HS3ST3B1: variants seen among roughly 807,000 people sequenced by gnomAD.
The protein encoded by HS3ST3B1 is heparan sulfate-glucosamine 3-sulfotransferase 3B1, also known as heparan sulfate glucosamine 3-O-sulfotransferase 3B1.
In HS3ST3B1, 13 loss-of-function variants were observed where a neutral mutation model predicts 21.3. The observed-to-expected ratio is 0.61, with a 90% CI of 0.40 to 0.97. HS3ST3B1 has a LOEUF of 0.97. HS3ST3B1 is among the 50% of genes least tolerant of loss of function. The pLI, the probability that HS3ST3B1 is intolerant of heterozygous loss-of-function variation, is 0.00. For synonymous variants in HS3ST3B1, 234 were observed against 254.8 expected (o/e 0.92, Z 0.78); for missense variants, 459 against 554.8 (o/e 0.83, Z 1.73).
rs1473082613 is a variant in HS3ST3B1 at position 14,301,099 on chromosome 17, C to T, written c.-420C>T. ...TTCCTGCGCAGTTCGCCTCTGCAGC[C>T]TCTGCGGGGAAGTGCCGGGGCTGCT... On this transcript the variant is annotated 5_prime_UTR_variant, in exon 1 of 2. Transcript: ENST00000360954. The T allele has an allele frequency of 5.2e-6, 1 of 191,468 alleles. No individual in the cohort carries two copies. The highest frequency in any genetic ancestry group is 2.3e-5 in the African/African-American group (1 of 42,814). The allele number at this position is 191,468 out of a possible 1,614,324, so 11.9% of individuals were successfully genotyped here.
intron 1 of HS3ST3B1, among the ~76,000 whole-genome samples, chr17:14,343,698 T>C (rs1224340964): frequency 6.6e-6 from 1 of 152,236 alleles, no homozygotes; most frequent in East Asian, 1.9e-4. Context: ...TAATATTTCA[T>C]TGTGCATATA....
intron 1 of HS3ST3B1, among the ~76,000 whole-genome samples, chr17:14,317,266 C>A (rs1156440896): frequency 6.6e-6 from 1 of 152,214 alleles, no homozygotes; most frequent in Non-Finnish European, 1.5e-5. Context: ...CAGTGTATGA[C>A]CAGAGCATCT....
intron 1 of HS3ST3B1, among the ~76,000 whole-genome samples, chr17:14,343,886 T>C (rs112461424): frequency 3.0e-5 from 4 of 132,948 alleles, no homozygotes; most frequent in African/African-American, 1.1e-4. Flanking sequence ...CTAACCTCAC[T>C]TAATTTCTTT....
chr17:14,312,883 A>G (rs1160447067), intron 1 of HS3ST3B1, among the ~76,000 whole-genome samples: 6 of 148,336 alleles, frequency 4.0e-5, no homozygotes, highest in Non-Finnish European at 8.9e-5. Context: ...CATCCCCAGC[A>G]GTTGTGAGTG....
chr17:14,326,470 C>A (rs75045807), intron 1 of HS3ST3B1, among the ~76,000 whole-genome samples: 1 of 152,116 alleles, frequency 6.6e-6, no homozygotes, highest in South Asian at 2.1e-4. Context: ...ATTTTTCTAA[C>A]CTTATTTGCC....
chr17:14,332,829 CTTTTTTT>C (rs71147859), intron 1 of HS3ST3B1, among the ~76,000 whole-genome samples: 98 of 91,054 alleles, frequency 1.1e-3, no homozygotes, highest in African/African-American at 3.7e-3. Context: ...GACCTTTTAT[CTTTTTTT>C]TTTTTTTTTT....
chr17:14,317,163 A>C (rs1490409898), intron 1 of HS3ST3B1, among the ~76,000 whole-genome samples: 1 of 152,160 alleles, frequency 6.6e-6, no homozygotes, highest in Non-Finnish European at 1.5e-5. Flanking sequence ...CTTCCTATAA[A>C]GTTACGTATC....
At chr17:14,334,533 A>G (rs906898066) in intron 1 of HS3ST3B1, among the ~76,000 whole-genome samples, 1 of 152,028 alleles carries the variant, frequency 6.6e-6, no homozygotes, top group African/African-American at 2.4e-5. Context: ...GATTTCTTAT[A>G]TACTCCTACT....
intron 1 of HS3ST3B1, among the ~76,000 whole-genome samples, chr17:14,310,254 A>G (rs1391376560): frequency 6.6e-6 from 1 of 151,954 alleles, no homozygotes; most frequent in Non-Finnish European, 1.5e-5. Context: ...CCTCCCCAGC[A>G]CCTTCCGCGC....
chr17:14,318,188 G>A (rs952771946), intron 1 of HS3ST3B1, among the ~76,000 whole-genome samples: 3 of 152,118 alleles, frequency 2.0e-5, no homozygotes, highest in African/African-American at 7.2e-5. Context: ...CTCCCCGCTC[G>A]GCTCCCCAGG....
chr17:14,317,763 A>T (rs1418328868), intron 1 of HS3ST3B1, among the ~76,000 whole-genome samples: 1 of 152,104 alleles, frequency 6.6e-6, no homozygotes, highest in African/African-American at 2.4e-5. Flanking sequence ...CATTAAAGAG[A>T]GGGCTTTTAT....
At position 14,345,891 on chromosome 17, in the gene HS3ST3B1, C is replaced by T. The variant is rs991833316; in HGVS notation, c.*245C>T. ...ATGGTGCTTCTATTTTTTCTTCTCC[C>T]CTACCTGTTATATTTAAAACAAAGA... On this transcript the variant is annotated 3_prime_UTR_variant, in exon 2 of 2. Transcript: ENST00000360954. 4 of 484,906 alleles carry T rather than the reference C, an allele frequency of 8.2e-6. No individual in the cohort carries two copies. Among genetic ancestry groups the T allele is most frequent in the African/African-American group, 8.0e-5 (4 of 50,190 alleles). The allele number at this position is 484,906 out of a possible 1,614,324, so 30.0% of individuals were successfully genotyped here.
At chr17:14,332,283 C>T (rs9900779) in intron 1 of HS3ST3B1, among the ~76,000 whole-genome samples, 14,424 of 152,154 alleles carry the variant, frequency 0.095, 856 homozygotes, top group African/African-American at 0.17. Flanking sequence ...CTTGCTATTA[C>T]AGAAAATGCT....
intron 1 of HS3ST3B1, among the ~76,000 whole-genome samples, chr17:14,342,303 T>C (rs1910413844): frequency 6.6e-6 from 1 of 152,236 alleles, no homozygotes; most frequent in African/African-American, 2.4e-5. Context: ...AAATCTCTAT[T>C]CCATAGTAGA....
At chr17:14,316,475 T>C (rs368308289) in intron 1 of HS3ST3B1, among the ~76,000 whole-genome samples, 2 of 152,162 alleles carry the variant, frequency 1.3e-5, no homozygotes, top group Admixed American at 1.3e-4. Context: ...CAAAGGTAAG[T>C]GTTCTGTGTC....
chr17:14,343,037 A>T (rs1043354289), intron 1 of HS3ST3B1, among the ~76,000 whole-genome samples: 4 of 152,104 alleles, frequency 2.6e-5, no homozygotes, highest in East Asian at 3.9e-4. Context: ...AGGTCAGGAG[A>T]TTGAGACCAT....
At position 14,330,268 on chromosome 17, in the gene HS3ST3B1, G is replaced by A. The variant is rs746429688; in HGVS notation, c.555-14760G>A. On this transcript the variant is annotated intron_variant, in intron 1 of 1. Coordinates refer to ENST00000360954, the MANE Select transcript of HS3ST3B1 (RefSeq NM_006041.3). ...TTCTACTTAATGTCTGCCAGCTTGTGCCACCCTACTGCTGGCTGTAGGAGG... is the reference window on the plus strand; with the variant it reads ...TTCTACTTAATGTCTGCCAGCTTGTACCACCCTACTGCTGGCTGTAGGAGG... Among the ~76,000 whole-genome samples, 118 of 152,254 alleles carry A rather than the reference G, an allele frequency of 7.8e-4. No homozygotes were observed. The Middle Eastern group carries it at 0.014, about 18-fold the overall frequency.
At chr17:14,319,620 C>T (rs985549721) in intron 1 of HS3ST3B1, among the ~76,000 whole-genome samples, 1 of 152,060 alleles carries the variant, frequency 6.6e-6, no homozygotes, top group African/African-American at 2.4e-5. Flanking sequence ...GAACACTGTT[C>T]CTGCCCTCCT....
chr17:14,312,708 C>T (rs2142328664), intron 1 of HS3ST3B1, among the ~76,000 whole-genome samples: 1 of 152,022 alleles, frequency 6.6e-6, no homozygotes. Context: ...TCCCTTCTCT[C>T]CCACCTGCCC....
Sources: gnomAD v4.1 joint callset for allele counts (sites outside exome capture counted in the v4.1 genomes callset) on GRCh38, gnomAD v4.1.1 for gene constraint, MANE v1.5 for transcripts, NCBI Gene and HGNC (gene_info 2026-07-23, HGNC 2026-07-21) for gene names.